The following NTN4 variants were observed in gnomAD, a reference collection of about 807,000 sequenced individuals.
NTN4 encodes netrin-4.
Under a neutral mutation model 73.6 loss-of-function variants are expected in NTN4, and 32 were observed. The observed-to-expected ratio is 0.44, with a 90% confidence interval of 0.33 to 0.58. NTN4 has a LOEUF of 0.58. Ranked by LOEUF, NTN4 falls within the 20% of genes least tolerant of loss-of-function variation. The pLI, the probability that NTN4 is intolerant of heterozygous loss-of-function variation, is 0.04. For synonymous variants in NTN4, 258 were observed against 287.5 expected, an observed-to-expected ratio of 0.90 and a Z score of 1.04; for missense variants, 654 against 798.3, an observed-to-expected ratio of 0.82 and a Z score of 2.18.
At chr12:95,685,706 G>A (rs2078355846) in intron 5 of NTN4, among the ~76,000 whole-genome samples, 1 of 152,112 alleles carries the variant, frequency 6.6e-6, no homozygotes, top group South Asian at 2.1e-4. Context: ...GACTAACTGT[G>A]TGACTTTGAG....
At chr12:95,755,199 A>G (rs960679719) in intron 2 of NTN4, among the ~76,000 whole-genome samples, 3 of 152,220 alleles carry the variant, frequency 2.0e-5, no homozygotes, top group East Asian at 1.9e-4. Flanking sequence ...GACTCGTGAA[A>G]CCAATTTCTG....
intron 5 of NTN4, among the ~76,000 whole-genome samples, chr12:95,693,522 G>A (rs1275891609): frequency 5.3e-5 from 8 of 151,904 alleles, no homozygotes; most frequent in African/African-American, 1.5e-4. Flanking sequence ...CTTAGGGTCA[G>A]GATTTAGAGA....
At chr12:95,769,946 G>C (rs10777731) in intron 2 of NTN4, among the ~76,000 whole-genome samples, 1 of 151,450 alleles carries the variant, frequency 6.6e-6, no homozygotes, top group African/African-American at 2.4e-5. Flanking sequence ...TTGTAGAGGC[G>C]GGGTTTCAGC....
intron 5 of NTN4, among the ~76,000 whole-genome samples, chr12:95,694,774 T>C (rs1373538471): frequency 7.2e-5 from 11 of 152,178 alleles, no homozygotes. Context: ...CCTTGCAATG[T>C]TATATACATT....
intron 2 of NTN4, among the ~76,000 whole-genome samples, chr12:95,751,758 G>T (rs1046182245): frequency 6.7e-6 from 1 of 148,326 alleles, no homozygotes; most frequent in Non-Finnish European, 1.5e-5. Context: ...CTATACGGAG[G>T]CTACCCACTC....
intron 5 of NTN4, among the ~76,000 whole-genome samples, chr12:95,688,277 A>G (rs1474938981): frequency 6.6e-6 from 1 of 152,150 alleles, no homozygotes; most frequent in Admixed American, 6.6e-5. Flanking sequence ...CTTATTTTTT[A>G]AAGTTAGAAC....
chr12:95,741,157 C>A (rs2078820561), intron 2 of NTN4, among the ~76,000 whole-genome samples: 1 of 152,000 alleles, frequency 6.6e-6, no homozygotes, highest in Non-Finnish European at 1.5e-5. Context: ...TGTGGATGTA[C>A]AGACAGTAGT....
intron 2 of NTN4, among the ~76,000 whole-genome samples, chr12:95,758,727 G>A (rs2078964186): frequency 6.6e-6 from 1 of 151,958 alleles, no homozygotes; most frequent in Non-Finnish European, 1.5e-5. Flanking sequence ...ACCACACCAG[G>A]CTAACTTTTT....
Position 95,786,931 on chromosome 12 carries a change from G to T in NTN4, c.585+8C>A, listed in dbSNP as rs370505730. 3.1e-6 allele frequency: 5 copies of T among 1,610,976 alleles called. No individual in the cohort carries two copies. In the African/African-American group the frequency reaches 5.3e-5, roughly 17 times the overall value. ...ACTTACAGTGTAGAGTTAAACAGGT[G>T]CCCTTACCTCTCCTCCAGTGCATGG... On this transcript the variant is annotated splice_region_variant and intron_variant, in intron 2 of 9. Coordinates refer to ENST00000343702, the MANE Select transcript of NTN4 (RefSeq NM_021229.4).
At position 95,752,618 on chromosome 12, in the gene NTN4, C is replaced by T. The variant is rs539637865; in HGVS notation, c.586-14474G>A. On this transcript the variant is annotated intron_variant, in intron 2 of 9. Coordinates refer to ENST00000343702, the MANE Select transcript of NTN4 (RefSeq NM_021229.4). Reference sequence around the variant, plus strand: ...TCGGCATAATTCTCATAAAAACACACGTGCTCTCCCTGCCAATCGTGTCCG... The same window carrying T: ...TCGGCATAATTCTCATAAAAACACATGTGCTCTCCCTGCCAATCGTGTCCG... Among the ~76,000 whole-genome samples the T allele has an allele frequency of 1.5e-4, 23 of 150,926 alleles. No homozygotes were observed. In the East Asian group the frequency reaches 2.5e-3, roughly 17 times the overall value.
intron 2 of NTN4, among the ~76,000 whole-genome samples, chr12:95,757,662 A>G (rs1191322703): frequency 6.6e-6 from 1 of 150,604 alleles, no homozygotes; most frequent in South Asian, 2.2e-4. Context: ...GTTAGAGCTC[A>G]GAAAGAAGAA....
intron 7 of NTN4, chr12:95,672,878 G>A: frequency 2.2e-6 from 3 of 1,339,886 alleles, no homozygotes; most frequent in East Asian, 2.3e-5. Context: ...AGCCTCCGGG[G>A]CATTGTCAAG....
chr12:95,768,161 C>A (rs1373382810), intron 2 of NTN4, among the ~76,000 whole-genome samples: 1 of 152,186 alleles, frequency 6.6e-6, no homozygotes, highest in Non-Finnish European at 1.5e-5. Context: ...GGCAGTGTTT[C>A]TCCAAGTGTG....
Position 95,683,669 on chromosome 12 carries a change from T to A in NTN4, c.1223A>T (p.Asn408Ile), listed in dbSNP as rs776957617. The change falls in exon 6 of 10, where the codon AAC (asparagine) becomes ATC (isoleucine). Residue 408 changes from asparagine to isoleucine, a missense_variant. Coordinates refer to ENST00000343702, the MANE Select transcript of NTN4 (RefSeq NM_021229.4). Reference protein sequence around the residue: ...HPVGSAVLPANSVTFCDPSNG... With the variant: ...HPVGSAVLPAISVTFCDPSNG... Reference sequence around the variant, plus strand: ...GCTGGGGTCGCAGAAGGTCACTGAGTTGGCAGGAAGGACAGCTGATCCTAC... The same window carrying A: ...GCTGGGGTCGCAGAAGGTCACTGAGATGGCAGGAAGGACAGCTGATCCTAC... 1.3e-5 allele frequency: 21 copies of A among 1,613,400 alleles called. No individual in the cohort carries two copies. The highest frequency in any genetic ancestry group is 1.7e-5 in the Admixed American group (1 of 59,928).
intron 2 of NTN4, among the ~76,000 whole-genome samples, chr12:95,775,251 T>C (rs1288945373): frequency 6.6e-6 from 1 of 152,070 alleles, no homozygotes; most frequent in Non-Finnish European, 1.5e-5. Context: ...GCTCCCAGTG[T>C]GAGTGACACA....
chr12:95,672,407 C>G (rs1171061605), intron 7 of NTN4: 1 of 1,087,316 alleles, frequency 9.2e-7, no homozygotes, highest in Non-Finnish European at 1.4e-6. Context: ...CGGCAGGCCA[C>G]CAGGAGGTGA....
Position 95,683,528 on chromosome 12 carries a change from C to A in NTN4, c.1364G>T (p.Cys455Phe). ...GATGCAGTCTCCGGTGATAGGGTCA[C>A]AGCTCCCCGCACAGTCACATGGTCG... is the stretch of plus-strand genomic sequence containing the variant. The part of the protein sequence containing the change: ...GCRPCDCAGS[C>F]DPITGDCISS... Residue 455 changes from cysteine (C) to phenylalanine (F), a missense_variant, in exon 6 of 10, where the codon TGT (cysteine) becomes TTT (phenylalanine). Cys to Phe is a radical substitution (Grantham distance 205, BLOSUM62 -2). Coordinates refer to ENST00000343702, the MANE Select transcript of NTN4 (RefSeq NM_021229.4). 5 of 1,614,176 alleles carry A rather than the reference C, an allele frequency of 3.1e-6. No individual in the cohort carries two copies. The South Asian group carries it at 5.5e-5, about 18-fold the overall frequency.
At chr12:95,707,971 C>G (rs1452170674) in intron 5 of NTN4, among the ~76,000 whole-genome samples, 1 of 152,076 alleles carries the variant, frequency 6.6e-6, no homozygotes, top group South Asian at 2.1e-4. Flanking sequence ...GGGATACACA[C>G]GTATATATAT....
At chr12:95,764,954 C>T (rs1280003093) in intron 2 of NTN4, among the ~76,000 whole-genome samples, 1 of 152,050 alleles carries the variant, frequency 6.6e-6, no homozygotes, top group Non-Finnish European at 1.5e-5. Context: ...AGGCAAGTCC[C>T]GAAAGGGAAG....
Sources: gnomAD v4.1 joint callset for allele counts (sites outside exome capture counted in the v4.1 genomes callset) on GRCh38, gnomAD v4.1.1 for gene constraint, MANE v1.5 for transcripts, NCBI Gene and HGNC (gene_info 2026-07-23, HGNC 2026-07-21) for gene names.